Variants in KAT6A observed in about 807,000 individuals in gnomAD.
KAT6A encodes the protein lysine acetyltransferase 6A, also known as histone acetyltransferase KAT6A.
Under a neutral mutation model 198.4 loss-of-function variants are expected in KAT6A, and 9 were observed. The ratio of observed to expected loss-of-function variants is 0.05; its 90% CI spans 0.03 to 0.08. The LOEUF is 0.08. KAT6A is among the 10% of genes least tolerant of loss of function. KAT6A has a pLI of 1.00. For missense variants in KAT6A, 2,077 were observed against 2,509.9 expected (o/e 0.83, Z 3.69); for synonymous variants, 890 against 883.0 (o/e 1.01, Z -0.14).
At chr8:41,987,423 T>C (rs1824671208) in intron 3 of KAT6A, 32 bp downstream of exon 3, 2 of 1,358,926 alleles carry the variant, frequency 1.5e-6, no homozygotes, top group African/African-American at 1.4e-5. Context: ...TCGTAACACA[T>C]TTTAGAAGAA....
intron 16 of KAT6A, among the ~76,000 whole-genome samples, chr8:41,936,636 G>A (rs1384907951): frequency 1.3e-5 from 2 of 152,208 alleles, no homozygotes; most frequent in Non-Finnish European, 2.9e-5. Context: ...TGCTTTAAAA[G>A]TAAATAGTTG....
intron 2 of KAT6A, among the ~76,000 whole-genome samples, chr8:41,990,765 G>A (rs984127609): frequency 4.6e-5 from 7 of 152,078 alleles, no homozygotes; most frequent in South Asian, 2.1e-4. Context: ...AGGCCAAGGC[G>A]GGCGGATCAC....
At chr8:42,023,069 C>T (rs1564071561) in intron 2 of KAT6A, among the ~76,000 whole-genome samples, 1 of 152,154 alleles carries the variant, frequency 6.6e-6, no homozygotes, top group Non-Finnish European at 1.5e-5. Context: ...ACCTGTACAA[C>T]ATGTTACTAT....
rs1440747401 is a variant in KAT6A at position 41,931,262 on chromosome 8, C to T, written c.*943G>A. ...CAAAGTACATACTAGAAACAAGAGGCTGGGTGGCGTGTGTGTGCGTTATGG... is the reference window on the plus strand; with the variant it reads ...CAAAGTACATACTAGAAACAAGAGGTTGGGTGGCGTGTGTGTGCGTTATGG... On this transcript the variant is annotated 3_prime_UTR_variant, in exon 17 of 17. Coordinates refer to ENST00000265713, the MANE Select transcript of KAT6A (RefSeq NM_006766.5). 2 of 220,440 alleles carry T rather than the reference C, an allele frequency of 9.1e-6. No individual in the cohort carries two copies. Among genetic ancestry groups the T allele is most frequent in the Non-Finnish European group, 1.8e-5 (2 of 109,874 alleles). 13.7% of individuals were successfully genotyped at this position (220,440 alleles called of 1,614,324 possible). A position where few individuals can be genotyped will look rare whatever the true frequency, so the allele number is the denominator to read the frequency against.
intron 8 of KAT6A, chr8:41,957,411 C>A: frequency 2.5e-6 from 1 of 399,808 alleles, no homozygotes; most frequent in South Asian, 2.0e-5. Flanking sequence ...CATTCCAGTC[C>A]TAGCCAAAAT....
In KAT6A at chr8:41,933,420, C is replaced by A; in HGVS notation, c.4800G>T (p.Gln1600His). ...TCTGCTGAGTGACCACACAGCTGCT[C>A]TGGGTGAGGCTGCTGGAGGACGACA... The part of the protein sequence containing the change: ...GGLSSSSSLT[Q>H]SSCVVTQQMA... Residue 1600 changes from glutamine to histidine, a missense_variant, in exon 17 of 17, where the codon CAG becomes CAT. Transcript: ENST00000265713. The surrounding 1 kb of genome is among the most constrained non-coding windows in gnomAD (Gnocchi z 6.2). The A allele has an allele frequency of 1.9e-6, 3 of 1,611,468 alleles. No individual in the cohort carries two copies. Among genetic ancestry groups the A allele is most frequent in the Non-Finnish European group, 2.5e-6 (3 of 1,179,308 alleles).
intron 2 of KAT6A, among the ~76,000 whole-genome samples, chr8:41,991,623 T>G (rs901456342): frequency 6.6e-6 from 1 of 152,198 alleles, no homozygotes; most frequent in Non-Finnish European, 1.5e-5. Flanking sequence ...GAGTTAAATT[T>G]AAATTAATCA....
chr8:41,940,577 T>G (rs887621904), intron 15 of KAT6A, among the ~76,000 whole-genome samples: 1 of 152,092 alleles, frequency 6.6e-6, no homozygotes, highest in Non-Finnish European at 1.5e-5. Flanking sequence ...TAAAAAAAAG[T>G]TTGTTTGCAT....
chr8:42,019,420 A>T (rs4236920), intron 2 of KAT6A, among the ~76,000 whole-genome samples: 138,862 of 152,260 alleles, frequency 0.91, 63,549 homozygotes, highest in East Asian at 1. Context: ...AGTAAACTGC[A>T]CTGCAGGCAG....
intron 8 of KAT6A, among the ~76,000 whole-genome samples, chr8:41,967,044 G>A (rs1226664321): frequency 6.6e-6 from 1 of 151,922 alleles, no homozygotes; most frequent in Non-Finnish European, 1.5e-5. Flanking sequence ...AACTCTTCAC[G>A]CAAAGAAATT....
chr8:41,960,986 G>C (rs776681067), intron 8 of KAT6A, among the ~76,000 whole-genome samples: 1 of 152,112 alleles, frequency 6.6e-6, no homozygotes, highest in Non-Finnish European at 1.5e-5. Flanking sequence ...TATGGGTGGA[G>C]AAAAACAGAG....
intron 2 of KAT6A, among the ~76,000 whole-genome samples, chr8:41,990,796 A>C: frequency 6.6e-6 from 1 of 152,166 alleles, no homozygotes; most frequent in Non-Finnish European, 1.5e-5. Flanking sequence ...GTTCAAGACC[A>C]GCCTGGCCAA....
In KAT6A at chr8:41,940,969, C is replaced by T. The variant is rs748450137; in HGVS notation, c.2912G>A (p.Arg971His). The part of the protein sequence containing the change: ...RLTEGSERLP[R>H]RYSEGDRAVL... ...AGCCCTGTCACCCTCACTGTAGCGACGGGGCAGCCTCTCACTTCCTTCTGT... is the reference window on the plus strand; with the variant it reads ...AGCCCTGTCACCCTCACTGTAGCGATGGGGCAGCCTCTCACTTCCTTCTGT... Residue 971 changes from arginine (R) to histidine (H), a missense_variant, in exon 15 of 17, where the codon CGT becomes CAT. By Grantham distance (29) the Arg-to-His change is conservative. Transcript: ENST00000265713. 20 of 1,614,092 alleles carry T rather than the reference C, an allele frequency of 1.2e-5. No individual in the cohort carries two copies. Among genetic ancestry groups the T allele is most frequent in the Middle Eastern group, 1.6e-4 (1 of 6,084 alleles).
chr8:41,947,994 A>G, intron 10 of KAT6A, 82 bp from the exon 11 acceptor site: 3 of 1,136,032 alleles, frequency 2.6e-6, no homozygotes, highest in South Asian at 3.3e-5. Flanking sequence ...AAGCATCTCT[A>G]GATATCCACA....
At chr8:41,965,315 T>C (rs925019278) in intron 8 of KAT6A, among the ~76,000 whole-genome samples, 9 of 152,236 alleles carry the variant, frequency 5.9e-5, no homozygotes, top group African/African-American at 1.9e-4. Context: ...CTTTTTATTT[T>C]TGTCCAACTG....
At chr8:41,988,118 A>G (rs1358382712) in intron 2 of KAT6A, among the ~76,000 whole-genome samples, 2 of 152,246 alleles carry the variant, frequency 1.3e-5, no homozygotes, top group Non-Finnish European at 2.9e-5. Context: ...GGATCTTTAG[A>G]AACTTGTCCA....
chr8:42,042,842 A>C (rs1827731204), intron 2 of KAT6A, among the ~76,000 whole-genome samples: 1 of 152,250 alleles, frequency 6.6e-6, no homozygotes, highest in Non-Finnish European at 1.5e-5. Context: ...CAGAACACAA[A>C]CTATATATAT....
At chr8:42,030,925 T>C (rs1052104223) in intron 2 of KAT6A, among the ~76,000 whole-genome samples, 3 of 151,094 alleles carry the variant, frequency 2.0e-5, no homozygotes, top group Non-Finnish European at 4.4e-5. Context: ...TGGTCTACTG[T>C]TGACTGCAAC....
rs13257587 is a variant in KAT6A, at chr8:41,933,310, C to A, written c.4910G>T (p.Ser1637Ile). The A allele has an allele frequency of 6.3e-7, 1 of 1,576,094 alleles. No individual in the cohort carries two copies. Among genetic ancestry groups the A allele is most frequent in the Non-Finnish European group, 8.6e-7 (1 of 1,164,996 alleles). The stretch of plus-strand genomic sequence containing the variant: ...ACTGGGAGGCCTCTCCACCACGCAG[C>A]TCTGAGGTGACTTGATGCTGCAGTT... ...AANCSIKSPQ[S>I]CVVERPPSNQ... Residue 1637 changes from serine (S) to isoleucine (I), a missense_variant, in exon 17 of 17, where the codon AGC becomes ATC. Ser to Ile is a moderately radical substitution (Grantham distance 142). Coordinates refer to ENST00000265713, the MANE Select transcript of KAT6A (RefSeq NM_006766.5). This position sits in a 1 kb window ranked among gnomAD's most constrained non-coding sequence, Gnocchi z 6.2.
Sources: allele counts gnomAD v4.1 joint callset (sites outside exome capture counted in the v4.1 genomes callset), GRCh38; gene constraint gnomAD v4.1.1; non-coding constraint Gnocchi (gnomAD v3.1); transcripts MANE v1.5; gene names NCBI Gene and HGNC (gene_info 2026-07-23, HGNC 2026-07-21).